KHK: variants seen among roughly 807,000 people sequenced by gnomAD.
KHK encodes the protein fructokinase.
In KHK, 37 loss-of-function variants were observed where a neutral mutation model predicts 36.0. The observed-to-expected ratio is 1.03, with a 90% CI of 0.79 to 1.35. KHK has a LOEUF of 1.35. Ranked by LOEUF, KHK falls within the 40% of genes most tolerant of loss-of-function variation. The probability of loss-of-function intolerance (pLI) is 0.00; values close to 1 mark genes in which losing one functional copy is unlikely to be tolerated. For synonymous variants in KHK, 161 were observed against 162.8 expected (o/e 0.99, Z 0.08); for missense variants, 395 against 391.9 (o/e 1.01, Z -0.07).
In KHK at chr2:27,092,507, A is replaced by G. The variant is rs1340224633; in HGVS notation, c.209+59A>G. On this transcript the variant is annotated intron_variant, in intron 2 of 7. Coordinates refer to ENST00000260598, the MANE Select transcript of KHK (RefSeq NM_006488.3). ...CCTGCCTGCATCATTGTGGGAGAAG[A>G]AGGATGTATCCACCCTGGGTGGATG... The G allele has an allele frequency of 2.4e-6, 3 of 1,270,770 alleles. No homozygotes were observed. In the East Asian group the frequency reaches 6.9e-5, roughly 29 times the overall value. 78.7% of individuals were successfully genotyped at this position (1,270,770 alleles called of 1,614,324 possible). A position where few individuals can be genotyped will look rare whatever the true frequency, so the allele number is the denominator to read the frequency against.
At chr2:27,094,513 CCTACG>C in intron 2 of KHK, 1 of 1,613,968 alleles carries the variant, frequency 6.2e-7, no homozygotes, top group South Asian at 1.1e-5. Context: ...ATTCTGTGGA[CCTACG>C]CTACACAGTC....
chr2:27,095,677 A>T (rs933645071), intron 3 of KHK, among the ~76,000 whole-genome samples: 1 of 152,230 alleles, frequency 6.6e-6, no homozygotes, highest in Admixed American at 6.5e-5. Flanking sequence ...AGTACGTGCC[A>T]GGTACTGTTA....
chr2:27,096,862 T>C, intron 4 of KHK, 61 bp downstream of exon 4: 2 of 1,237,988 alleles, frequency 1.6e-6, no homozygotes, highest in Non-Finnish European at 1.2e-6. Flanking sequence ...CCACATGTTC[T>C]GCCTCCTTGG....
Position 27,099,471 on chromosome 2 carries a change from T to C in KHK, c.705T>C (p.Pro235=). The change falls in exon 7 of 8, where the codon CCT becomes CCC. Residue 235 remains proline, a synonymous_variant. Coordinates refer to ENST00000260598, the MANE Select transcript of KHK (RefSeq NM_006488.3). The part of the protein sequence containing the change: ...WAEEGADALG[P]DGKLLHSDAF... Reference sequence around the variant, plus strand: ...AGGAGGGCGCCGACGCCCTGGGCCCTGATGGCAAATTGCTCCACTCGGATG... The same window carrying C: ...AGGAGGGCGCCGACGCCCTGGGCCCCGATGGCAAATTGCTCCACTCGGATG... The C allele has an allele frequency of 6.2e-7, 1 of 1,614,086 alleles. No individual in the cohort carries two copies. Among genetic ancestry groups the C allele is most frequent in the Non-Finnish European group, 8.5e-7 (1 of 1,179,986 alleles).
intron 2 of KHK, chr2:27,094,312 T>C (rs1670189680): frequency 3.8e-6 from 3 of 795,520 alleles, no homozygotes; most frequent in African/African-American, 3.4e-5. Context: ...CTGCATCTCC[T>C]GCCCTGTTGC....
rs183845368 is a variant in KHK, at chr2:27,096,469, G to C, written c.345-260G>C. ...GGAGATGCAGTCTCCAAGGCACACA[G>C]ACCTTGCCAGTTGACATGTGTTGCA... On this transcript the variant is annotated intron_variant, in intron 3 of 7. Coordinates refer to ENST00000260598, the MANE Select transcript of KHK (RefSeq NM_006488.3). 1.4e-4 allele frequency among the ~76,000 whole-genome samples: 21 copies of C among 152,286 alleles called. No homozygotes were observed. In the East Asian group the frequency reaches 4.0e-3, roughly 29 times the overall value.
chr2:27,092,175 T>G (rs1670048386), intron 1 of KHK, among the ~76,000 whole-genome samples, 157 bp from the exon 2 acceptor site: 1 of 152,216 alleles, frequency 6.6e-6, no homozygotes, highest in African/African-American at 2.4e-5. Flanking sequence ...GCTCCTTCCC[T>G]TGGCCGGCCT....
intron 1 of KHK, among the ~76,000 whole-genome samples, chr2:27,091,338 T>C (rs963676168): frequency 6.6e-6 from 1 of 152,058 alleles, no homozygotes; most frequent in African/African-American, 2.4e-5. Flanking sequence ...ATCCTCCTGC[T>C]TTGGCCTCCC....
Position 27,100,502 on chromosome 2 carries a change from T to C in KHK, c.*752T>C, listed in dbSNP as rs17847233. 3.5e-5 allele frequency: 45 copies of C among 1,290,996 alleles called. No homozygotes were observed. In the East Asian group the frequency reaches 2.0e-3, roughly 57 times the overall value. The allele number at this position is 1,290,996 out of a possible 1,614,324, so 80.0% of individuals were successfully genotyped here. Reference sequence around the variant, plus strand: ...TCAGGGAGGTCCGATCTGGAACACATATTGGAATTGGGGCCAACTCCAATA... The same window carrying C: ...TCAGGGAGGTCCGATCTGGAACACACATTGGAATTGGGGCCAACTCCAATA... On this transcript the variant is annotated 3_prime_UTR_variant, in exon 8 of 8. Coordinates refer to ENST00000260598, the MANE Select transcript of KHK (RefSeq NM_006488.3).
chr2:27,092,585 G>A, intron 2 of KHK, 137 bp downstream of exon 2: 1 of 704,624 alleles, frequency 1.4e-6, no homozygotes, highest in Non-Finnish European at 2.5e-6. Flanking sequence ...GGGCATGGCG[G>A]AGCACCAGAC....
chr2:27,092,233 G>A (rs889326252), intron 1 of KHK, 99 bp from the exon 2 acceptor site: 7 of 953,514 alleles, frequency 7.3e-6, no homozygotes, highest in Non-Finnish European at 1.2e-5. Context: ...TGCTTTCTGA[G>A]AGGAGTCCCC....
chr2:27,087,781 C>T (rs572653866), intron 1 of KHK, among the ~76,000 whole-genome samples: 1 of 152,332 alleles, frequency 6.6e-6, no homozygotes, highest in Middle Eastern at 3.4e-3. Context: ...CCACATATCT[C>T]GCACCTATTT....
At chr2:27,091,433 A>G (rs1192667381) in intron 1 of KHK, among the ~76,000 whole-genome samples, 1 of 151,996 alleles carries the variant, frequency 6.6e-6, no homozygotes, top group Non-Finnish European at 1.5e-5. Flanking sequence ...CCTTTTCCCA[A>G]AACTGAAGTT....
At chr2:27,094,110 C>T in intron 2 of KHK, 1 of 370,420 alleles carries the variant, frequency 2.7e-6, no homozygotes, top group Non-Finnish European at 5.2e-6. Context: ...AGGAAACAAG[C>T]CACGGTGCCC....
At chr2:27,088,099 C>CTTTTTTTT (rs1157197145) in intron 1 of KHK, 4 of 74,584 alleles carry the variant, frequency 5.4e-5, no homozygotes, top group Non-Finnish European at 8.0e-5. Flanking sequence ...GTTGTTGGTT[C>CTTTTTTTT]TTTTTTTTTT....
At position 27,094,601 on chromosome 2, in the gene KHK, T is replaced by C. The variant is rs201650300; in HGVS notation, c.210-199T>C. ...GGCCAGTGGTAGCCGCACCATCCTA[T>C]ACTATGACAGGTTTGTACAACTGTC... On this transcript the variant is annotated intron_variant, in intron 2 of 7. Transcript: ENST00000260598. The C allele has an allele frequency of 1.2e-4, 197 of 1,614,130 alleles. No individual in the cohort carries two copies. The highest frequency in any genetic ancestry group is 1.6e-4 in the Non-Finnish European group (193 of 1,180,032).
chr2:27,096,639 C>A, intron 3 of KHK, 90 bp from the exon 4 acceptor site: 2 of 999,296 alleles, frequency 2.0e-6, no homozygotes, highest in Admixed American at 1.7e-5. Flanking sequence ...GCAGTGCAGG[C>A]ACAGGGTCCA....
chr2:27,089,120 C>A (rs1167793495), intron 1 of KHK, among the ~76,000 whole-genome samples: 2 of 152,198 alleles, frequency 1.3e-5, no homozygotes, highest in African/African-American at 4.8e-5. Flanking sequence ...TTTAAGGCCA[C>A]GGAGTTAAAT....
At position 27,099,408 on chromosome 2, in the gene KHK, G is replaced by A. The variant is rs374688541; in HGVS notation, c.654-12G>A. 4 of 1,612,878 alleles carry A rather than the reference G, an allele frequency of 2.5e-6. No individual in the cohort carries two copies. In the African/African-American group the frequency reaches 4.0e-5, roughly 16 times the overall value. ...GTGGGCTAACACCCAGCTGAGTGGA[G>A]CCGTCTTGCAGGGCTGTGCTTGTCT... On this transcript the variant is annotated splice_polypyrimidine_tract_variant and intron_variant, in intron 6 of 7. Coordinates refer to ENST00000260598, the MANE Select transcript of KHK (RefSeq NM_006488.3).
Sources: gnomAD v4.1 joint callset for allele counts (sites outside exome capture counted in the v4.1 genomes callset) on GRCh38, gnomAD v4.1.1 for gene constraint, MANE v1.5 for transcripts, NCBI Gene and HGNC (gene_info 2026-07-23, HGNC 2026-07-21) for gene names.